MITF: variants seen among roughly 807,000 people sequenced by gnomAD.
The protein encoded by MITF is microphthalmia-associated transcription factor.
A neutral mutation model predicts 60.5 loss-of-function variants in MITF; 17 were observed. The ratio of observed to expected loss-of-function variants is 0.28; its 90% CI spans 0.19 to 0.42. MITF has a LOEUF of 0.42. Ranked by LOEUF, MITF falls within the 10% of genes least tolerant of loss-of-function variation. The pLI is 1.00. For missense variants in MITF, 622 were observed against 683.5 expected (o/e 0.91, Z 1.00); for synonymous variants, 260 against 248.5 (o/e 1.05, Z -0.43).
chr3:69,936,490 G>A (rs753583950), intron 2 of MITF: 62 of 891,190 alleles, frequency 7.0e-5, no homozygotes, highest in African/African-American at 2.4e-4. Flanking sequence ...GACCAAACTC[G>A]TAGGGCTTCC....
intron 2 of MITF, among the ~76,000 whole-genome samples, chr3:69,927,443 G>A (rs757423135): frequency 3.9e-5 from 6 of 151,938 alleles, no homozygotes; most frequent in Non-Finnish European, 7.4e-5. Flanking sequence ...CCTAGATGAC[G>A]GGTTGACAGG....
intron 2 of MITF, among the ~76,000 whole-genome samples, chr3:69,903,493 G>T (rs1306339113): frequency 1.3e-5 from 2 of 152,078 alleles, no homozygotes; most frequent in Non-Finnish European, 2.9e-5. Context: ...GACAGGGGAG[G>T]CATTGAGCCT....
chr3:69,934,484 G>T (rs1343843376), intron 2 of MITF, among the ~76,000 whole-genome samples: 1 of 152,218 alleles, frequency 6.6e-6, no homozygotes, highest in Non-Finnish European at 1.5e-5. Flanking sequence ...TGCTGTTTTA[G>T]ATATTGTGCT....
At chr3:69,870,908 T>C (rs1050477232) in intron 1 of MITF, among the ~76,000 whole-genome samples, 3 of 152,128 alleles carry the variant, frequency 2.0e-5, no homozygotes, top group Non-Finnish European at 2.9e-5. Flanking sequence ...GGCTGAAACT[T>C]TGACTTTTTC....
At chr3:69,775,445 A>C (rs572762690) in intron 1 of MITF, among the ~76,000 whole-genome samples, 1 of 152,308 alleles carries the variant, frequency 6.6e-6, no homozygotes, top group East Asian at 1.9e-4. Context: ...TCTTGTCTCT[A>C]ACATCACCAA....
intron 1 of MITF, among the ~76,000 whole-genome samples, chr3:69,746,989 G>C (rs1268242934): frequency 1.3e-5 from 2 of 152,168 alleles, no homozygotes; most frequent in African/African-American, 2.4e-5. Context: ...TGTGGCTTTG[G>C]ATGCATGCTG....
At position 69,739,779 on chromosome 3, in the gene MITF, G is replaced by A. The variant is rs1476124522; in HGVS notation, c.104+78G>A. ...TCTGCCACTCTGGGGCGAGGAGAGCGGGTCGCGGGAGCTCTGGGACAAGGA... is the reference window on the plus strand; with the variant it reads ...TCTGCCACTCTGGGGCGAGGAGAGCAGGTCGCGGGAGCTCTGGGACAAGGA... On this transcript the variant is annotated intron_variant, in intron 1 of 9. Transcript: ENST00000352241. The A allele has an allele frequency of 7.2e-6, 8 of 1,111,538 alleles. No homozygotes were observed. The African/African-American group carries it at 9.3e-5, about 13-fold the overall frequency. 68.9% of individuals were successfully genotyped at this position (1,111,538 alleles called of 1,614,324 possible).
rs766239429 is a variant in MITF, at chr3:69,965,297, C to T, written c.*49C>T. The T allele has an allele frequency of 3.8e-6, 6 of 1,596,318 alleles. No homozygotes were observed. Among genetic ancestry groups the T allele is most frequent in the East Asian group, 2.2e-5 (1 of 44,482 alleles). On this transcript the variant is annotated 3_prime_UTR_variant, in exon 10 of 10. Transcript: ENST00000352241. ...GCACAAACTGCTTCCTTTCTTGATT[C>T]GTAGATTTAATAACTTACCTGAAGG...
chr3:69,868,941 C>CT (rs71832734), intron 1 of MITF, among the ~76,000 whole-genome samples: 6,277 of 149,864 alleles, frequency 0.042, 297 homozygotes, highest in African/African-American at 0.12. Context: ...GAGAAAGAAA[C>CT]TTACTAAAAT....
At chr3:69,836,325 A>G (rs1012723010) in intron 1 of MITF, among the ~76,000 whole-genome samples, 2 of 152,172 alleles carry the variant, frequency 1.3e-5, no homozygotes, top group Admixed American at 6.5e-5. Context: ...TGATTTTTGT[A>G]TCCTGCAACA....
At chr3:69,836,656 G>A (rs1030875085) in intron 1 of MITF, among the ~76,000 whole-genome samples, 3 of 152,168 alleles carry the variant, frequency 2.0e-5, no homozygotes, top group Non-Finnish European at 1.5e-5. Flanking sequence ...TGGGTCCAGA[G>A]CCAGTTAGGA....
At chr3:69,739,822 G>A in intron 1 of MITF, 121 bp downstream of exon 1, 2 of 723,494 alleles carry the variant, frequency 2.8e-6, no homozygotes, top group Non-Finnish European at 4.8e-6. Flanking sequence ...CCCTTGCCCC[G>A]GAGCAGAGGG....
intron 1 of MITF, among the ~76,000 whole-genome samples, chr3:69,838,970 T>C (rs2063582725): frequency 6.6e-6 from 1 of 152,160 alleles, no homozygotes; most frequent in African/African-American, 2.4e-5. Flanking sequence ...AGGTTTCCAA[T>C]AAATTAGGGT....
In MITF at chr3:69,838,352, TA is replaced by T. The variant is rs35112703; in HGVS notation, c.105-40768del. ...ACGTCAGCAAAAGCACTAATTTTGC[TA>T]AAAAAAAAAAAAATAGAGGCACACA... On this transcript the variant is annotated intron_variant, in intron 1 of 9. Transcript: ENST00000352241. Among the ~76,000 whole-genome samples, 217 of 142,276 alleles carry T rather than the reference TA, an allele frequency of 1.5e-3. 1 individual carries two copies. The highest frequency in any genetic ancestry group is 5.5e-3 in the East Asian group (26 of 4,756). 93.3% of individuals were successfully genotyped at this position (142,276 alleles called of 152,430 possible). A position where few individuals can be genotyped will look rare whatever the true frequency, so the allele number is the denominator to read the frequency against.
rs1246695187 is a variant in MITF at position 69,949,064 on chromosome 3, G to A, written c.776G>A (p.Gly259Glu). 2.5e-6 allele frequency: 4 copies of A among 1,613,390 alleles called. No individual in the cohort carries two copies. The highest frequency in any genetic ancestry group is 3.4e-6 in the Non-Finnish European group (4 of 1,179,564). The change falls in exon 6 of 10, where the codon GGA becomes GAA. Residue 259 changes from glycine (G) to glutamate (E), a missense_variant. Gly to Glu is a moderately conservative substitution (Grantham distance 98, BLOSUM62 -2). Transcript: ENST00000352241. Reference sequence around the variant, plus strand: ...GTCTCTCTCTAGTTGCCTGTCTCGGGAAACTTGATTGATCTTTATGGAAAC... The same window carrying A: ...GTCTCTCTCTAGTTGCCTGTCTCGGAAAACTTGATTGATCTTTATGGAAAC... Reference protein sequence around the residue: ...LQMANTLPVSGNLIDLYGNQG... With the variant: ...LQMANTLPVSENLIDLYGNQG...
At chr3:69,816,369 A>G (rs180734786) in intron 1 of MITF, among the ~76,000 whole-genome samples, 1 of 152,284 alleles carries the variant, frequency 6.6e-6, no homozygotes, top group East Asian at 1.9e-4. Context: ...AAGTATTTCT[A>G]GACAGAAAGC....
At chr3:69,819,650 CAAAA>C (rs1277088108) in intron 1 of MITF, among the ~76,000 whole-genome samples, 1 of 151,680 alleles carries the variant, frequency 6.6e-6, no homozygotes, top group Non-Finnish European at 1.5e-5. Context: ...AACAAACAAA[CAAAA>C]ACTACAAAAA....
intron 1 of MITF, among the ~76,000 whole-genome samples, chr3:69,785,660 C>A (rs1398367218): frequency 6.6e-6 from 1 of 152,154 alleles, no homozygotes; most frequent in Non-Finnish European, 1.5e-5. Flanking sequence ...ATTTAGGCTC[C>A]ATGACCTGAA....
At chr3:69,788,143 T>A (rs1025541487) in intron 1 of MITF, among the ~76,000 whole-genome samples, 4 of 151,890 alleles carry the variant, frequency 2.6e-5, no homozygotes, top group East Asian at 1.9e-4. Context: ...TTTTTTTTTT[T>A]AATTATTATA....
Sources: allele counts gnomAD v4.1 joint callset (sites outside exome capture counted in the v4.1 genomes callset), GRCh38; gene constraint gnomAD v4.1.1; transcripts MANE v1.5; gene names NCBI Gene and HGNC (gene_info 2026-07-23, HGNC 2026-07-21).